PDE1C: variants seen among roughly 807,000 people sequenced by gnomAD.
PDE1C encodes phosphodiesterase 1C.
A neutral mutation model predicts 93.1 loss-of-function variants in PDE1C; 62 were observed. The observed-to-expected ratio is 0.67, with a 90% CI of 0.54 to 0.82. The LOEUF (loss-of-function observed/expected upper bound fraction) is 0.82. Among genes scored for constraint, PDE1C ranks in the 40% least tolerant of loss-of-function variants. The pLI is 0.00. For synonymous variants in PDE1C, 325 were observed against 310.1 expected, an observed-to-expected ratio of 1.05 and a Z score of -0.50; for missense variants, 742 against 884.6, an observed-to-expected ratio of 0.84 and a Z score of 2.04.
chr7:31,911,202 GAT>G (rs1205359788), intron 2 of PDE1C, among the ~76,000 whole-genome samples: 1 of 152,076 alleles, frequency 6.6e-6, no homozygotes, highest in Non-Finnish European at 1.5e-5. Flanking sequence ...TATAGCTATA[GAT>G]ATAAAACAAT....
At chr7:32,369,090 T>C (rs1284220319) in intron 1 of PDE1C, among the ~76,000 whole-genome samples, 1 of 152,094 alleles carries the variant, frequency 6.6e-6, no homozygotes, top group East Asian at 1.9e-4. Flanking sequence ...TGGGAAAAGA[T>C]TTTATGAATA....
chr7:31,688,520 T>A, the PDE1C span, among the ~76,000 whole-genome samples: 3 of 152,250 alleles, frequency 2.0e-5, no homozygotes, highest in Non-Finnish European at 4.4e-5. Context: ...CTTTCTGCAA[T>A]ATAGTGGGGT....
chr7:32,421,053 AG>A (rs1459626601), intron 1 of PDE1C, among the ~76,000 whole-genome samples: 1 of 151,114 alleles, frequency 6.6e-6, no homozygotes, highest in African/African-American at 2.4e-5. Flanking sequence ...TTTCAAAGTC[AG>A]GGTTTTCACC....
chr7:31,802,248 T>C (rs573780447), intron 16 of PDE1C, among the ~76,000 whole-genome samples: 1 of 151,610 alleles, frequency 6.6e-6, no homozygotes, highest in African/African-American at 2.4e-5. Flanking sequence ...GTTTTAGTGA[T>C]TGCTTTAGAG....
chr7:31,643,325 A>T, the PDE1C span: 114 of 1,613,852 alleles, frequency 7.1e-5, 1 homozygote, highest in Admixed American at 1.9e-3. Context: ...ATCACACCTT[A>T]TGCAACTGAC....
At position 32,174,119 on chromosome 7, in the gene PDE1C, G is replaced by A. The variant is rs190302409; in HGVS notation, c.137-4163C>T. On this transcript the variant is annotated intron_variant, in intron 2 of 18. Transcript: ENST00000396193. ...TGAAGTCTGGTTCTGCATTAATGAA[G>A]ATCAGTTCTATGTTAATGAAGGTCT... Among the ~76,000 whole-genome samples, 16 of 152,114 alleles carry A rather than the reference G, an allele frequency of 1.1e-4. No individual in the cohort carries two copies. In the East Asian group the frequency reaches 3.1e-3, roughly 29 times the overall value.
intron 5 of PDE1C, among the ~76,000 whole-genome samples, chr7:31,873,998 G>C (rs1219800115): frequency 4.6e-5 from 7 of 152,194 alleles, no homozygotes; most frequent in Non-Finnish European, 1.0e-4. Context: ...TCAGAAACAT[G>C]CATGATGTAG....
chr7:32,054,815 C>T (rs1423726662), intron 1 of PDE1C, among the ~76,000 whole-genome samples: 1 of 152,194 alleles, frequency 6.6e-6, no homozygotes, highest in Non-Finnish European at 1.5e-5. Flanking sequence ...TGGAGGTCAG[C>T]TCTTAAAGCA....
chr7:32,420,098 T>TATATATATATATATATATATATAC (rs1785363045), intron 1 of PDE1C, among the ~76,000 whole-genome samples: 3 of 16,904 alleles, frequency 1.8e-4, no homozygotes, highest in African/African-American at 5.4e-4. Context: ...GTGGCATATA[T>TATATATATATATATATATATATAC]ATATATATAT....
intron 1 of PDE1C, among the ~76,000 whole-genome samples, chr7:32,334,486 T>C (rs1783575241): frequency 6.6e-6 from 1 of 152,150 alleles, no homozygotes; most frequent in African/African-American, 2.4e-5. Flanking sequence ...TTTGGTTACA[T>C]GAGTAAGTTC....
intron 3 of PDE1C, among the ~76,000 whole-genome samples, chr7:32,105,919 T>A (rs909871336): frequency 6.6e-6 from 1 of 152,092 alleles, no homozygotes; most frequent in Non-Finnish European, 1.5e-5. Flanking sequence ...CTTAACTAGA[T>A]AACAGAGAAG....
At chr7:32,241,637 G>A (rs555497541) in intron 1 of PDE1C, among the ~76,000 whole-genome samples, 2 of 152,164 alleles carry the variant, frequency 1.3e-5, no homozygotes, top group South Asian at 4.1e-4. Context: ...TCAATACATG[G>A]TTTCTTTTTA....
chr7:32,393,314 G>C (rs574649256), intron 1 of PDE1C, among the ~76,000 whole-genome samples: 1 of 152,218 alleles, frequency 6.6e-6, no homozygotes, highest in Admixed American at 6.5e-5. Flanking sequence ...AAAAAGTAAA[G>C]CTGTCTTCCT....
chr7:31,636,334 C>T, the PDE1C span, among the ~76,000 whole-genome samples: 3 of 152,136 alleles, frequency 2.0e-5, no homozygotes, highest in Admixed American at 6.5e-5. Flanking sequence ...AGTGTTCTAA[C>T]GTATAATTTC....
chr7:32,380,247 AT>A (rs906017155), intron 1 of PDE1C, among the ~76,000 whole-genome samples: 6 of 144,142 alleles, frequency 4.2e-5, no homozygotes, highest in African/African-American at 1.6e-4. Context: ...TTTTTTATTT[AT>A]TTTTTTTGAG....
At chr7:32,167,975 A>G (rs931380603) in intron 3 of PDE1C, among the ~76,000 whole-genome samples, 7 of 152,184 alleles carry the variant, frequency 4.6e-5, no homozygotes, top group Admixed American at 1.3e-4. Context: ...ATGCCACCAC[A>G]GTTAAGGACA....
the PDE1C span, chr7:31,655,796 C>T: frequency 1.0e-6 from 1 of 985,582 alleles, no homozygotes; most frequent in Non-Finnish European, 1.2e-6. Context: ...GGGCTTTTGA[C>T]CTCCCCTTCT....
At chr7:32,003,945 C>A (rs756131529) in intron 2 of PDE1C, among the ~76,000 whole-genome samples, 3 of 152,120 alleles carry the variant, frequency 2.0e-5, no homozygotes, top group Admixed American at 2.0e-4. Context: ...GTGAGGAAGA[C>A]CTTTCTAACA....
chr7:32,041,931 G>A (rs1695147967), intron 2 of PDE1C, among the ~76,000 whole-genome samples: 1 of 152,064 alleles, frequency 6.6e-6, no homozygotes, highest in African/African-American at 2.4e-5. Flanking sequence ...AGATCTTTTT[G>A]ACGTTGATTT....
Sources: gnomAD v4.1 joint callset for allele counts (sites outside exome capture counted in the v4.1 genomes callset) on GRCh38, gnomAD v4.1.1 for gene constraint, MANE v1.5 for transcripts, NCBI Gene and HGNC (gene_info 2026-07-23, HGNC 2026-07-21) for gene names.